The following KIAA1328 variants were observed in gnomAD, a reference collection of about 807,000 sequenced individuals.
KIAA1328 encodes the protein KIAA1328.
In KIAA1328, 52 loss-of-function variants were observed where a neutral mutation model predicts 68.1. That is an observed-to-expected ratio of 0.76 (90% confidence interval 0.61 to 0.96). The LOEUF (loss-of-function observed/expected upper bound fraction) is 0.96. KIAA1328 is among the 40% of genes least tolerant of loss of function. The pLI, the probability that KIAA1328 is intolerant of heterozygous loss-of-function variation, is 0.00. For missense variants in KIAA1328, 641 were observed against 677.6 expected, an observed-to-expected ratio of 0.95 and a Z score of 0.60; for synonymous variants, 232 against 239.4, an observed-to-expected ratio of 0.97 and a Z score of 0.28.
intron 5 of KIAA1328, chr18:36,902,485 A>G (rs1219477200): frequency 6.6e-6 from 1 of 152,072 alleles, no homozygotes; most frequent in East Asian, 1.9e-4. Context: ...ACACTTTACC[A>G]CCTTCAAGAC....
rs569104644 is a variant in KIAA1328 at position 36,995,358 on chromosome 18, T to C, written c.576+35923T>C. Among the ~76,000 whole-genome samples the C allele has an allele frequency of 3.3e-5, 5 of 152,310 alleles. No individual in the cohort carries two copies. The South Asian group carries it at 1.0e-3, about 32-fold the overall frequency. Reference sequence around the variant, plus strand: ...ACATTTTCTTAATCCAGTCTATCATTGATGGACATTTGGGTTGGCTCCAAG... The same window carrying C: ...ACATTTTCTTAATCCAGTCTATCATCGATGGACATTTGGGTTGGCTCCAAG... On this transcript the variant is annotated intron_variant, in intron 6 of 9. Transcript: ENST00000280020.
Position 37,167,655 on chromosome 18 carries a change from G to A in KIAA1328, c.1415-5318G>A, listed in dbSNP as rs190529041. ...CCAGCTGCTTGTGTGCTCTTCTGCCGGTGTGTTCCTCTTGATATCCAGCAG... is the reference window on the plus strand; with the variant it reads ...CCAGCTGCTTGTGTGCTCTTCTGCCAGTGTGTTCCTCTTGATATCCAGCAG... On this transcript the variant is annotated intron_variant, in intron 8 of 9. Transcript: ENST00000280020. Among the ~76,000 whole-genome samples, 29 of 152,076 alleles carry A rather than the reference G, an allele frequency of 1.9e-4. No individual in the cohort carries two copies. In the East Asian group the frequency reaches 4.3e-3, roughly 23 times the overall value.
chr18:36,878,436 G>T (rs534260945), intron 4 of KIAA1328, among the ~76,000 whole-genome samples: 1 of 152,212 alleles, frequency 6.6e-6, no homozygotes, highest in South Asian at 2.1e-4. Context: ...CTCTCTGGCT[G>T]CCCTTAACAT....
intron 8 of KIAA1328, among the ~76,000 whole-genome samples, chr18:37,165,430 T>TG (rs1252459521): frequency 1.3e-5 from 2 of 151,654 alleles, no homozygotes; most frequent in Non-Finnish European, 2.9e-5. Flanking sequence ...TATTTACTTA[T>TG]TTTTTTGAGA....
intron 6 of KIAA1328, among the ~76,000 whole-genome samples, chr18:37,015,353 CTACGTGTCTGTTTTTGTACCAG>C (rs2054116127): frequency 6.6e-6 from 1 of 152,152 alleles, no homozygotes; most frequent in Admixed American, 6.6e-5. Context: ...TTCCATTGGT[CTACGTGTCTGTTTTTGTACCAG>C]TACCGTGCTG....
intron 6 of KIAA1328, among the ~76,000 whole-genome samples, chr18:36,980,487 C>T (rs779410066): frequency 6.6e-6 from 1 of 152,132 alleles, no homozygotes; most frequent in Non-Finnish European, 1.5e-5. Flanking sequence ...TGAGCAATAC[C>T]AGAGAGCAGT....
chr18:37,172,980 G>A lies in KIAA1328; in HGVS notation c.1422G>A (p.Val474=). Residue 474 remains valine, a synonymous_variant, in exon 9 of 10, where the codon GTG becomes GTA. Transcript: ENST00000280020. ...KDTCRPQRGT[V]TGVRKDASTS... is the part of the protein sequence containing the mutation. Reference sequence around the variant, plus strand: ...TCTTTATTTTTCATATAGGGACAGTGACAGGAGTTAGAAAAGATGCGTCTA... The same window carrying A: ...TCTTTATTTTTCATATAGGGACAGTAACAGGAGTTAGAAAAGATGCGTCTA... The A allele has an allele frequency of 6.2e-7, 1 of 1,610,378 alleles. No homozygotes were observed. Among genetic ancestry groups the A allele is most frequent in the African/African-American group, 1.3e-5 (1 of 74,896 alleles).
chr18:36,994,498 C>T (rs369487399), intron 6 of KIAA1328, among the ~76,000 whole-genome samples: 1 of 152,064 alleles, frequency 6.6e-6, no homozygotes, highest in Admixed American at 6.5e-5. Context: ...GATGTGAACC[C>T]TAGGTGAGAA....
At chr18:37,083,226 T>A (rs1056366946) in intron 7 of KIAA1328, among the ~76,000 whole-genome samples, 4 of 152,196 alleles carry the variant, frequency 2.6e-5, no homozygotes, top group Non-Finnish European at 5.9e-5. Context: ...GATTTGGGCA[T>A]TTTGCATCTA....
intron 6 of KIAA1328, among the ~76,000 whole-genome samples, chr18:36,997,664 C>G (rs142236603): frequency 7.7e-4 from 117 of 152,246 alleles, no homozygotes; most frequent in African/African-American, 2.8e-3. Flanking sequence ...TCCAGCAGTA[C>G]CAGGACCAAG....
At chr18:37,231,032 T>C (rs1412110103), downstream of KIAA1328, 4 of 152,226 alleles carry the variant, frequency 2.6e-5, no homozygotes, top group East Asian at 1.9e-4. Flanking sequence ...CTTTTCCAGG[T>C]CCCTCTATCT....
intron 8 of KIAA1328, among the ~76,000 whole-genome samples, chr18:37,160,678 G>A (rs2059260755): frequency 6.6e-6 from 1 of 152,300 alleles, no homozygotes; most frequent in South Asian, 2.1e-4. Context: ...TTCCAAGTGA[G>A]TAAAGAGGGC....
chr18:36,893,464 TTTGTGTGTGTGTG>T (rs2048766263), intron 5 of KIAA1328, among the ~76,000 whole-genome samples: 1 of 126,508 alleles, frequency 7.9e-6, no homozygotes, highest in Non-Finnish European at 1.8e-5. Context: ...TGTGTGTGTT[TTTGTGTGTGTGTG>T]TGTGTGTGTG....
intron 5 of KIAA1328, among the ~76,000 whole-genome samples, chr18:36,956,696 C>G (rs1031425462): frequency 1.3e-5 from 2 of 152,148 alleles, no homozygotes; most frequent in African/African-American, 4.8e-5. Context: ...TACTCCTAAG[C>G]TATATAATTG....
chr18:37,206,096 T>G (rs1042464706), intron 9 of KIAA1328, among the ~76,000 whole-genome samples: 1 of 152,148 alleles, frequency 6.6e-6, no homozygotes, highest in Non-Finnish European at 1.5e-5. Flanking sequence ...TTTAAATATA[T>G]TCCCCCTTTT....
At chr18:37,162,508 T>G (rs2059303066) in intron 8 of KIAA1328, among the ~76,000 whole-genome samples, 1 of 152,156 alleles carries the variant, frequency 6.6e-6, no homozygotes, top group Non-Finnish European at 1.5e-5. Context: ...GTATGCAGAT[T>G]ATAGTACAGG....
At chr18:36,940,921 G>T (rs962618382) in intron 5 of KIAA1328, among the ~76,000 whole-genome samples, 1 of 152,032 alleles carries the variant, frequency 6.6e-6, no homozygotes, top group Non-Finnish European at 1.5e-5. Context: ...TGATCCACCC[G>T]CCTCGGCCTC....
chr18:36,837,705 T>G (rs916648744), intron 3 of KIAA1328, among the ~76,000 whole-genome samples: 2 of 152,166 alleles, frequency 1.3e-5, no homozygotes, highest in African/African-American at 4.8e-5. Flanking sequence ...TTCTAAGAAT[T>G]TTAAAGGTTT....
chr18:37,201,106 A>G (rs1419299118), intron 9 of KIAA1328, among the ~76,000 whole-genome samples: 1 of 152,214 alleles, frequency 6.6e-6, no homozygotes, highest in Non-Finnish European at 1.5e-5. Context: ...AAAAGATCTT[A>G]GTGAAATCTT....
Sources: allele counts gnomAD v4.1 joint callset (sites outside exome capture counted in the v4.1 genomes callset), GRCh38; gene constraint gnomAD v4.1.1; transcripts MANE v1.5; gene names NCBI Gene and HGNC (gene_info 2026-07-23, HGNC 2026-07-21).